SAR1A: variants seen among roughly 807,000 people sequenced by gnomAD.
The protein encoded by SAR1A is secretion associated Ras related GTPase 1A.
A neutral mutation model predicts 22.6 loss-of-function variants in SAR1A; 6 were observed. The ratio of observed to expected loss-of-function variants is 0.27; its 90% CI spans 0.15 to 0.52. The LOEUF (loss-of-function observed/expected upper bound fraction) is 0.52. Ranked by LOEUF, SAR1A falls within the 20% of genes least tolerant of loss-of-function variation. The pLI is 0.96. For synonymous variants in SAR1A, 70 were observed against 82.2 expected, an observed-to-expected ratio of 0.85 and a Z score of 0.80; for missense variants, 145 against 245.1, an observed-to-expected ratio of 0.59 and a Z score of 2.73.
intron 1 of SAR1A, among the ~76,000 whole-genome samples, chr10:70,166,440 C>T (rs775731353): frequency 6.6e-6 from 1 of 152,096 alleles, no homozygotes; most frequent in Non-Finnish European, 1.5e-5. Flanking sequence ...GAATGAAAAA[C>T]ATATTAATCT....
At chr10:70,160,886 C>T in intron 4 of SAR1A, 118 bp downstream of exon 4, 3 of 642,104 alleles carry the variant, frequency 4.7e-6, no homozygotes, top group Non-Finnish European at 8.1e-6. Context: ...GTAATAAGAT[C>T]CTAATTCTAA....
intron 4 of SAR1A, among the ~76,000 whole-genome samples, chr10:70,160,368 T>C (rs1387354418): frequency 1.3e-5 from 2 of 152,160 alleles, no homozygotes; most frequent in Non-Finnish European, 2.9e-5. Context: ...CAAGCATTAA[T>C]ATGTATTATA....
At chr10:70,163,962 G>A (rs1239443779) in intron 1 of SAR1A, 2 of 1,427,888 alleles carry the variant, frequency 1.4e-6, no homozygotes, top group African/African-American at 2.8e-5. Flanking sequence ...CTGTGTGTTT[G>A]ATAAGGATGG....
At position 70,153,731 on chromosome 10, in the gene SAR1A, T is replaced by C. The variant is rs1839354520; in HGVS notation, c.480+107A>G. ...AAAATACTCACAGTAAAACTAATCCTAAGCCTGTTTAAGCCTTTAAAAGAA... is the reference window on the plus strand; with the variant it reads ...AAAATACTCACAGTAAAACTAATCCCAAGCCTGTTTAAGCCTTTAAAAGAA... On this transcript the variant is annotated intron_variant, in intron 6 of 6. Coordinates refer to ENST00000373241, the MANE Select transcript of SAR1A (RefSeq NM_020150.5). 3 of 904,634 alleles carry C rather than the reference T, an allele frequency of 3.3e-6. No individual in the cohort carries two copies. In the Admixed American group the frequency reaches 8.6e-5, roughly 26 times the overall value. The allele number at this position is 904,634 out of a possible 1,614,324, so 56.0% of individuals were successfully genotyped here.
At position 70,149,433 on chromosome 10, in the gene SAR1A, G is replaced by C. The variant is rs1054195165; in HGVS notation, c.*3043C>G. On this transcript the variant is annotated 3_prime_UTR_variant, in exon 7 of 7. Coordinates refer to ENST00000373241, the MANE Select transcript of SAR1A (RefSeq NM_020150.5). ...CCCATTGCACTGTTTCCCACTGTTT[G>C]TCCCAGTACTTTAGTTTTATGATCT... The C allele has an allele frequency of 1.3e-5, 2 of 151,218 alleles. No homozygotes were observed. The highest frequency in any genetic ancestry group is 2.9e-5 in the Non-Finnish European group (2 of 67,918). The allele number at this position is 151,218 out of a possible 1,614,324, so 9.4% of individuals were successfully genotyped here.
In SAR1A at chr10:70,152,160, A is replaced by G; in HGVS notation, c.*316T>C. ...AAAAAATAGAATCACTTTCTTTTGA[A>G]TCAACCACAGTGGTGAGACGTGTTT... is the stretch of plus-strand genomic sequence containing the variant. On this transcript the variant is annotated 3_prime_UTR_variant, in exon 7 of 7. Coordinates refer to ENST00000373241, the MANE Select transcript of SAR1A (RefSeq NM_020150.5). The G allele has an allele frequency of 3.0e-6, 1 of 337,848 alleles. No homozygotes were observed. The highest frequency in any genetic ancestry group is 3.9e-5 in the Admixed American group (1 of 25,398). 20.9% of individuals were successfully genotyped at this position (337,848 alleles called of 1,614,324 possible).
intron 1 of SAR1A, 45 bp from the exon 2 acceptor site, chr10:70,161,976 A>G: frequency 1.5e-6 from 2 of 1,374,414 alleles, no homozygotes; most frequent in East Asian, 2.3e-5. Context: ...TCTGAATGAC[A>G]GTACAATTGT....
At chr10:70,163,311 G>T (rs1423969529) in intron 1 of SAR1A, among the ~76,000 whole-genome samples, 1 of 152,232 alleles carries the variant, frequency 6.6e-6, no homozygotes, top group Non-Finnish European at 1.5e-5. Context: ...GATAACTGAT[G>T]AAGGTGGGTG....
In SAR1A at chr10:70,150,097, T is replaced by G. The variant is rs1839309016; in HGVS notation, c.*2379A>C. On this transcript the variant is annotated 3_prime_UTR_variant, in exon 7 of 7. Transcript: ENST00000373241. ...AAGTATCTCACACGCACCCTAAATG[T>G]CTCTTCCTCTATGCAGGGAACTTTT... 6.6e-6 allele frequency: 1 copy of G among 151,714 alleles called. No individual in the cohort carries two copies. 9.4% of individuals were successfully genotyped at this position (151,714 alleles called of 1,614,324 possible). A position where few individuals can be genotyped will look rare whatever the true frequency, so the allele number is the denominator to read the frequency against.
intron 5 of SAR1A, chr10:70,155,229 C>G (rs1208511914): frequency 9.1e-6 from 4 of 440,436 alleles, no homozygotes; most frequent in African/African-American, 8.1e-5. Flanking sequence ...AGATCATGAT[C>G]TAGCTTAAGG....
At chr10:70,160,313 A>G (rs944624558) in intron 4 of SAR1A, among the ~76,000 whole-genome samples, 2 of 152,218 alleles carry the variant, frequency 1.3e-5, no homozygotes, top group Non-Finnish European at 2.9e-5. Context: ...CTAAAGTATT[A>G]AAGAGTAAAG....
chr10:70,157,730 T>C, intron 5 of SAR1A, 34 bp downstream of exon 5: 1 of 1,494,984 alleles, frequency 6.7e-7, no homozygotes, highest in Non-Finnish European at 9.2e-7. Flanking sequence ...GAACAAAATA[T>C]ACATTAAAAT....
chr10:70,170,448 C>T lies in SAR1A; in HGVS notation c.-52G>A, dbSNP rs2136727967. 6.6e-6 allele frequency: 1 copy of T among 152,320 alleles called. No homozygotes were observed. The highest frequency in any genetic ancestry group is 2.4e-5 in the African/African-American group (1 of 41,526). 9.4% of individuals were successfully genotyped at this position (152,320 alleles called of 1,614,324 possible). On this transcript the variant is annotated 5_prime_UTR_variant, in exon 1 of 7. Transcript: ENST00000373241. ...GCTCCTCCGGCAAAACAGCGGCTGG[C>T]TCGGACCCTCCCTCAGAGCACACTA...
chr10:70,155,870 G>A (rs993521306), intron 5 of SAR1A, among the ~76,000 whole-genome samples: 1 of 152,172 alleles, frequency 6.6e-6, no homozygotes, highest in Non-Finnish European at 1.5e-5. Context: ...AAGAAACAGA[G>A]GGAGGATCAT....
At chr10:70,165,479 A>T (rs898934785) in intron 1 of SAR1A, among the ~76,000 whole-genome samples, 2 of 152,116 alleles carry the variant, frequency 1.3e-5, no homozygotes, top group East Asian at 3.9e-4. Context: ...CTCGTGGAAA[A>T]CTTTGAGGGG....
chr10:70,151,227 T>C lies in SAR1A; in HGVS notation c.*1249A>G, dbSNP rs534803392. 157 of 115,504 alleles carry C rather than the reference T, an allele frequency of 1.4e-3. 1 individual carries two copies. The highest frequency in any genetic ancestry group is 4.3e-3 in the African/African-American group (143 of 33,382). 7.2% of individuals were successfully genotyped at this position (115,504 alleles called of 1,614,324 possible). On this transcript the variant is annotated 3_prime_UTR_variant, in exon 7 of 7. Coordinates refer to ENST00000373241, the MANE Select transcript of SAR1A (RefSeq NM_020150.5). ...TTTTTGGGTTAGTGTTTCCCTAGCTTATTTCTGCAATGGAGAAAGACAATT... is the reference window on the plus strand; with the variant it reads ...TTTTTGGGTTAGTGTTTCCCTAGCTCATTTCTGCAATGGAGAAAGACAATT...
At chr10:70,159,079 A>G (rs1473304651) in intron 4 of SAR1A, among the ~76,000 whole-genome samples, 1 of 152,150 alleles carries the variant, frequency 6.6e-6, no homozygotes, top group Non-Finnish European at 1.5e-5. Flanking sequence ...CCTTTTGTGG[A>G]AGCAGCAGAA....
chr10:70,155,911 A>G (rs991433954), intron 5 of SAR1A, among the ~76,000 whole-genome samples: 4 of 152,218 alleles, frequency 2.6e-5, no homozygotes, highest in African/African-American at 7.2e-5. Context: ...CAAAAGATTT[A>G]TAGATTTTAT....
At chr10:70,165,493 G>A (rs988043304) in intron 1 of SAR1A, among the ~76,000 whole-genome samples, 1 of 152,104 alleles carries the variant, frequency 6.6e-6, no homozygotes, top group African/African-American at 2.4e-5. Flanking sequence ...TGAGGGGTTC[G>A]AGACTTTGGA....
Sources: allele counts gnomAD v4.1 joint callset (sites outside exome capture counted in the v4.1 genomes callset), GRCh38; gene constraint gnomAD v4.1.1; transcripts MANE v1.5; gene names NCBI Gene and HGNC (gene_info 2026-07-23, HGNC 2026-07-21).